CLN8: variants seen among roughly 807,000 people sequenced by gnomAD.
The protein encoded by CLN8 is CLN8 transmembrane ER and ERGIC protein.
Under a neutral mutation model 15.7 loss-of-function variants are expected in CLN8, and 14 were observed. That is an observed-to-expected ratio of 0.89 (90% CI 0.59 to 1.39). The LOEUF is 1.39. CLN8 is among the 40% of genes most tolerant of loss of function. The pLI is 0.00. For synonymous variants in CLN8, 188 were observed against 151.0 expected (o/e 1.25, Z -1.80); for missense variants, 415 against 364.0 (o/e 1.14, Z -1.14).
rs768136048 is a variant in CLN8, at chr8:1,780,366, C to T, written c.660C>T (p.Asp220=). The T allele has an allele frequency of 1.2e-5, 20 of 1,614,108 alleles. No individual in the cohort carries two copies. The highest frequency in any genetic ancestry group is 5.0e-5 in the Admixed American group (3 of 60,004). ...HMWWVCFWHW[D]GLVSSLYLPH... is the part of the protein sequence containing the mutation. Reference sequence around the variant, plus strand: ...GGTGGGTGTGTTTCTGGCACTGGGACGGCCTGGTCAGCAGCCTGTATCTGC... The same window carrying T: ...GGTGGGTGTGTTTCTGGCACTGGGATGGCCTGGTCAGCAGCCTGTATCTGC... The change falls in exon 3 of 3, where the codon GAC becomes GAT. Residue 220 remains aspartate (D), a synonymous_variant. Coordinates refer to ENST00000331222, the MANE Select transcript of CLN8 (RefSeq NM_018941.4).
Position 1,780,424 on chromosome 8 carries a change from C to G in CLN8, c.718C>G (p.Leu240Val), listed in dbSNP as rs755998291. 2.5e-6 allele frequency: 4 copies of G among 1,614,230 alleles called. No individual in the cohort carries two copies. Among genetic ancestry groups the G allele is most frequent in the Non-Finnish European group, 2.5e-6 (3 of 1,180,042 alleles). ...HLTLFLVGLA[L>V]LTLIINPYWT... ...GACACTGTTCCTTGTCGGACTGGCT[C>G]TGCTTACGCTAATCATTAATCCATA... is the stretch of plus-strand genomic sequence containing the variant. The change falls in exon 3 of 3, where the codon CTG becomes GTG. Residue 240 changes from leucine (L) to valine (V), a missense_variant. Transcript: ENST00000331222.
At chr8:1,753,463 C>G (rs10109098), upstream of CLN8, among the ~76,000 whole-genome samples, 2 of 150,354 alleles carry the variant, frequency 1.3e-5, no homozygotes, top group Non-Finnish European at 3.0e-5. Flanking sequence ...CCCAGCTACT[C>G]GGGAGGCTGA....
rs1310870236 is a variant in CLN8 at position 1,783,364 on chromosome 8, G to T, written c.*2797G>T. On this transcript the variant is annotated 3_prime_UTR_variant, in exon 3 of 3. Transcript: ENST00000331222. Reference sequence around the variant, plus strand: ...TCTGGAACTGCTTGAAAACTAGGACGATTGGGCAATATCGGCCTTAACTCC... The same window carrying T: ...TCTGGAACTGCTTGAAAACTAGGACTATTGGGCAATATCGGCCTTAACTCC... 6.6e-6 allele frequency: 1 copy of T among 152,228 alleles called. No homozygotes were observed. The highest frequency in any genetic ancestry group is 1.5e-5 in the Non-Finnish European group (1 of 68,044). 9.4% of individuals were successfully genotyped at this position (152,228 alleles called of 1,614,324 possible). A position where few individuals can be genotyped will look rare whatever the true frequency, so the allele number is the denominator to read the frequency against.
chr8:1,757,799 T>G (rs901920154), intron 1 of CLN8, among the ~76,000 whole-genome samples: 1 of 152,136 alleles, frequency 6.6e-6, no homozygotes, highest in African/African-American at 2.4e-5. Context: ...CTTCGTCCAA[T>G]GGGGATTTAA....
rs114043464 is a variant in CLN8, at chr8:1,772,481, C to T, written c.543+884C>T. On this transcript the variant is annotated intron_variant, in intron 2 of 2. Coordinates refer to ENST00000331222, the MANE Select transcript of CLN8 (RefSeq NM_018941.4). Reference sequence around the variant, plus strand: ...CTTTAAACTTTTTTTCCTTTTGAGACGGAATCTTGCTCTGTTGCCCAGGCT... The same window carrying T: ...CTTTAAACTTTTTTTCCTTTTGAGATGGAATCTTGCTCTGTTGCCCAGGCT... Among the ~76,000 whole-genome samples the T allele has an allele frequency of 7.7e-3, 1,172 of 152,132 alleles. 17 individuals carry two copies. Among genetic ancestry groups the T allele is most frequent in the African/African-American group, 0.026 (1,079 of 41,484 alleles).
rs908280019 is a variant in CLN8, at chr8:1,785,853, A to G, written c.*5286A>G. The G allele has an allele frequency of 1.9e-5, 3 of 157,522 alleles. No homozygotes were observed. The highest frequency in any genetic ancestry group is 1.9e-4 in the East Asian group (1 of 5,374). 9.8% of individuals were successfully genotyped at this position (157,522 alleles called of 1,614,324 possible). Reference sequence around the variant, plus strand: ...AAAGACAGGACGCACCCATGTCACAAGAGGAGCACAGGCAGGGGTGTTGGT... The same window carrying G: ...AAAGACAGGACGCACCCATGTCACAGGAGGAGCACAGGCAGGGGTGTTGGT... On this transcript the variant is annotated 3_prime_UTR_variant, in exon 3 of 3. Transcript: ENST00000331222.
intron 2 of CLN8, among the ~76,000 whole-genome samples, chr8:1,771,880 C>A (rs915677905): frequency 2.0e-5 from 3 of 151,946 alleles, no homozygotes; most frequent in Middle Eastern, 3.2e-3. Context: ...TTTTATGGCT[C>A]AGTAGATAGC....
chr8:1,758,235 T>C (rs1025247024), intron 1 of CLN8: 34 of 152,248 alleles, frequency 2.2e-4, no homozygotes, highest in African/African-American at 8.2e-4. Context: ...GTTCTTTTTC[T>C]CTTTATTTCT....
At position 1,782,117 on chromosome 8, in the gene CLN8, T is replaced by G. The variant is rs1328724214; in HGVS notation, c.*1550T>G. 1 of 152,204 alleles carries G rather than the reference T, an allele frequency of 6.6e-6. No individual in the cohort carries two copies. Among genetic ancestry groups the G allele is most frequent in the Non-Finnish European group, 1.5e-5 (1 of 68,044 alleles). 9.4% of individuals were successfully genotyped at this position (152,204 alleles called of 1,614,324 possible). On this transcript the variant is annotated 3_prime_UTR_variant, in exon 3 of 3. Coordinates refer to ENST00000331222, the MANE Select transcript of CLN8 (RefSeq NM_018941.4). ...ACGTTCCTTATGTTTTATGGAACTC[T>G]CGGAACAGTGTTTTGTTTTTGTTTA...
At chr8:1,766,695 C>T (rs1194472952) in intron 1 of CLN8, among the ~76,000 whole-genome samples, 2 of 152,094 alleles carry the variant, frequency 1.3e-5, no homozygotes, top group Non-Finnish European at 2.9e-5. Context: ...CCGGCCGATT[C>T]GGCCTCCAGT....
chr8:1,772,469 T>G (rs560872557), intron 2 of CLN8, among the ~76,000 whole-genome samples: 10 of 152,268 alleles, frequency 6.6e-5, no homozygotes, highest in African/African-American at 2.4e-4. Context: ...TAAACTTTTT[T>G]TCCTTTTGAG....
intron 2 of CLN8, among the ~76,000 whole-genome samples, chr8:1,775,466 A>T (rs1038393360): frequency 6.6e-6 from 1 of 152,190 alleles, no homozygotes; most frequent in Non-Finnish European, 1.5e-5. Context: ...CTCTTCTCAA[A>T]GCCTTTGGTG....
At chr8:1,774,633 GT>G (rs1337479094) in intron 2 of CLN8, among the ~76,000 whole-genome samples, 1 of 152,146 alleles carries the variant, frequency 6.6e-6, no homozygotes, top group Non-Finnish European at 1.5e-5. Context: ...TCGTATTTCT[GT>G]CTTAGATTTG....
At position 1,785,830 on chromosome 8, in the gene CLN8, A is replaced by C. The variant is rs1422225936; in HGVS notation, c.*5263A>C. On this transcript the variant is annotated 3_prime_UTR_variant, in exon 3 of 3. Transcript: ENST00000331222. ...ACCCCTGCTGTGGCTTCGGCAGTAAAGACAGGACGCACCCATGTCACAAGA... is the reference window on the plus strand; with the variant it reads ...ACCCCTGCTGTGGCTTCGGCAGTAACGACAGGACGCACCCATGTCACAAGA... 6.1e-6 allele frequency: 1 copy of C among 164,014 alleles called. No individual in the cohort carries two copies. The highest frequency in any genetic ancestry group is 1.3e-5 in the Non-Finnish European group (1 of 74,218). 10.2% of individuals were successfully genotyped at this position (164,014 alleles called of 1,614,324 possible). A position where few individuals can be genotyped will look rare whatever the true frequency, so the allele number is the denominator to read the frequency against.
At chr8:1,756,056 A>G (rs1800662481) in exon 1 of CLN8, 1 of 152,204 alleles carries the variant, frequency 6.6e-6, no homozygotes, top group Non-Finnish European at 1.5e-5. Context: ...GCTGTGTGGG[A>G]AGAAGATTTG....
chr8:1,760,926 T>C (rs978956363), upstream of CLN8, among the ~76,000 whole-genome samples: 1 of 151,692 alleles, frequency 6.6e-6, no homozygotes, highest in African/African-American at 2.4e-5. Context: ...GCTGGCAGTG[T>C]GACAAGATCT....
chr8:1,770,697 C>T (rs1323444792), intron 1 of CLN8, among the ~76,000 whole-genome samples: 2 of 152,150 alleles, frequency 1.3e-5, no homozygotes, highest in African/African-American at 2.4e-5. Flanking sequence ...CCGTGTGTTC[C>T]TGCCAGCACG....
At chr8:1,765,698 C>T (rs541679827) in intron 1 of CLN8, among the ~76,000 whole-genome samples, 1 of 152,214 alleles carries the variant, frequency 6.6e-6, no homozygotes, top group East Asian at 1.9e-4. Flanking sequence ...GAGAAGATTG[C>T]CAGATTAGAT....
Position 1,780,408 on chromosome 8 carries a change from C to A in CLN8, c.702C>A (p.Phe234Leu). 6.2e-7 allele frequency: 1 copy of A among 1,614,210 alleles called. No individual in the cohort carries two copies. Among genetic ancestry groups the A allele is most frequent in the Non-Finnish European group, 8.5e-7 (1 of 1,180,040 alleles). The change falls in exon 3 of 3, where the codon TTC becomes TTA. Residue 234 changes from phenylalanine to leucine, a missense_variant. Physicochemically the swap from Phe to Leu is conservative, Grantham distance 22 (BLOSUM62 0). Coordinates refer to ENST00000331222, the MANE Select transcript of CLN8 (RefSeq NM_018941.4). Reference protein sequence around the residue: ...SSLYLPHLTLFLVGLALLTLI... With the variant: ...SSLYLPHLTLLLVGLALLTLI... ...TGTATCTGCCTCATTTGACACTGTT[C>A]CTTGTCGGACTGGCTCTGCTTACGC...
Sources: allele counts gnomAD v4.1 joint callset (sites outside exome capture counted in the v4.1 genomes callset), GRCh38; gene constraint gnomAD v4.1.1; transcripts MANE v1.5; gene names NCBI Gene and HGNC (gene_info 2026-07-23, HGNC 2026-07-21).